SNX30: variants seen among roughly 807,000 people sequenced by gnomAD.
The protein encoded by SNX30 is sorting nexin-30.
Under a neutral mutation model 46.4 loss-of-function variants are expected in SNX30, and 24 were observed. The ratio of observed to expected loss-of-function variants is 0.52; its 90% CI spans 0.37 to 0.73. The LOEUF is 0.73. Ranked by LOEUF, SNX30 falls within the 30% of genes least tolerant of loss-of-function variation. The pLI, the probability that SNX30 is intolerant of heterozygous loss-of-function variation, is 0.00. For missense variants in SNX30, 533 were observed against 555.7 expected (o/e 0.96, Z 0.41); for synonymous variants, 189 against 211.5 (o/e 0.89, Z 0.92).
chr9:112,789,850 A>G (rs1387471197), intron 1 of SNX30, among the ~76,000 whole-genome samples: 1 of 152,260 alleles, frequency 6.6e-6, no homozygotes, highest in African/African-American at 2.4e-5. Flanking sequence ...ATTTTCTAAT[A>G]GAAAACCTAT....
chr9:112,860,193 G>A (rs1017441101), intron 7 of SNX30, among the ~76,000 whole-genome samples: 5 of 152,078 alleles, frequency 3.3e-5, no homozygotes, highest in African/African-American at 7.2e-5. Context: ...TGATCTGCCC[G>A]CCTCAGGCTC....
At chr9:112,827,080 T>TCTGTCATAA (rs1366096010) in intron 3 of SNX30, among the ~76,000 whole-genome samples, 6 of 152,226 alleles carry the variant, frequency 3.9e-5, no homozygotes, top group African/African-American at 1.4e-4. Flanking sequence ...GAACTCCTGC[T>TCTGTCATAA]CTGTCATAAA....
intron 1 of SNX30, among the ~76,000 whole-genome samples, chr9:112,777,283 A>G (rs1839761457): frequency 6.6e-6 from 1 of 152,126 alleles, no homozygotes; most frequent in African/African-American, 2.4e-5. Context: ...GAGTGACACA[A>G]GAATCAAACA....
rs117579156 is a variant in SNX30, at chr9:112,849,941, C to G, written c.1015-918C>G. Among the ~76,000 whole-genome samples, 161 of 152,354 alleles carry G rather than the reference C, an allele frequency of 1.1e-3. 2 individuals carry two copies. The East Asian group carries it at 0.025, about 24-fold the overall frequency. ...TTCTATTAAAGGAAGAAGAAAGAAA[C>G]TCGTTGATGAAACAGACACCTTTCT... On this transcript the variant is annotated intron_variant, in intron 6 of 8. Coordinates refer to ENST00000374232, the MANE Select transcript of SNX30 (RefSeq NM_001012994.2).
rs1486831051 is a variant in SNX30 at position 112,874,750 on chromosome 9, T to C, written c.*5907T>C. The C allele has an allele frequency of 2.4e-5, 3 of 123,518 alleles. No homozygotes were observed. The highest frequency in any genetic ancestry group is 8.6e-5 in the African/African-American group (3 of 34,728). The allele number at this position is 123,518 out of a possible 1,614,324, so 7.7% of individuals were successfully genotyped here. Reference sequence around the variant, plus strand: ...TTTGTTTGTTATGGAAACCAGAGATTGTAAAATGGAAAAAGAATCGTTTTT... The same window carrying C: ...TTTGTTTGTTATGGAAACCAGAGATCGTAAAATGGAAAAAGAATCGTTTTT... On this transcript the variant is annotated 3_prime_UTR_variant, in exon 9 of 9. Transcript: ENST00000374232.
At chr9:112,881,592 CTT>C (rs1841577707) in exon 6 of SNX30, 1 of 152,284 alleles carries the variant, frequency 6.6e-6, no homozygotes, top group African/African-American at 2.4e-5. Context: ...GCAGTGCTGA[CTT>C]ATTAGTCAGC....
At chr9:112,866,544 C>A in intron 8 of SNX30, 1 of 470,508 alleles carries the variant, frequency 2.1e-6, no homozygotes, top group Non-Finnish European at 4.4e-6. Flanking sequence ...TGCCACAGAC[C>A]CCAGATCATC....
downstream of SNX30, among the ~76,000 whole-genome samples, chr9:112,882,020 G>T (rs761522238): frequency 3.3e-5 from 5 of 152,178 alleles, no homozygotes; most frequent in Non-Finnish European, 7.4e-5. Context: ...GTGGTCAATG[G>T]CAGGAATAGG....
intron 3 of SNX30, 61 bp downstream of exon 3, chr9:112,817,876 G>T (rs1370141330): frequency 2.7e-6 from 3 of 1,111,554 alleles, no homozygotes; most frequent in Non-Finnish European, 4.2e-6. Context: ...TCCTGAAGGG[G>T]TTCACTCAAC....
At chr9:112,817,897 T>A in intron 3 of SNX30, 82 bp downstream of exon 3, 1 of 874,110 alleles carries the variant, frequency 1.1e-6, no homozygotes, top group Non-Finnish European at 2.0e-6. Context: ...TCTCATCCCT[T>A]AAGTTATACA....
chr9:112,771,202 C>A (rs1429747180), intron 1 of SNX30, among the ~76,000 whole-genome samples: 4 of 152,214 alleles, frequency 2.6e-5, no homozygotes, highest in African/African-American at 9.6e-5. Flanking sequence ...AATTTCCATG[C>A]ATGAACCAAA....
downstream of SNX30, chr9:112,879,806 T>C: frequency 6.2e-7 from 1 of 1,613,174 alleles, no homozygotes; most frequent in South Asian, 1.1e-5. Context: ...GGGACTTGTT[T>C]ATAGGCCACG....
At chr9:112,831,767 T>A (rs932654495) in intron 4 of SNX30, among the ~76,000 whole-genome samples, 74 of 152,342 alleles carry the variant, frequency 4.9e-4, no homozygotes, top group African/African-American at 1.7e-3. Flanking sequence ...AAGTTGGTTG[T>A]CCACTGGCCT....
At chr9:112,753,130 G>T (rs909361918) in intron 1 of SNX30, among the ~76,000 whole-genome samples, 1 of 152,170 alleles carries the variant, frequency 6.6e-6, no homozygotes, top group Non-Finnish European at 1.5e-5. Flanking sequence ...AAGAGGTGGG[G>T]ATCATTGGGC....
chr9:112,785,223 T>A (rs1053931828), intron 1 of SNX30, among the ~76,000 whole-genome samples: 3 of 148,064 alleles, frequency 2.0e-5, no homozygotes, highest in Non-Finnish European at 3.0e-5. Context: ...GGGAATGTAA[T>A]TTTTTTTTTT....
At chr9:112,759,496 G>A (rs567104017) in intron 1 of SNX30, among the ~76,000 whole-genome samples, 4 of 152,200 alleles carry the variant, frequency 2.6e-5, no homozygotes, top group East Asian at 1.9e-4. Context: ...TTGGGAGGCC[G>A]AGGCAGGCAG....
At chr9:112,818,123 C>T (rs982574091) in intron 3 of SNX30, among the ~76,000 whole-genome samples, 1 of 151,728 alleles carries the variant, frequency 6.6e-6, no homozygotes, top group South Asian at 2.1e-4. Context: ...ATTGAAGCAA[C>T]GTGACATTTA....
rs1480279401 is a variant in SNX30, at chr9:112,870,548, A to G, written c.*1705A>G. On this transcript the variant is annotated 3_prime_UTR_variant, in exon 9 of 9. Transcript: ENST00000374232. Reference sequence around the variant, plus strand: ...GTACTTGCCTGTAGTGTTAAACCCTATTTGTGCCATTCTCAAGTCCTTTGA... The same window carrying G: ...GTACTTGCCTGTAGTGTTAAACCCTGTTTGTGCCATTCTCAAGTCCTTTGA... 2 of 152,230 alleles carry G rather than the reference A, an allele frequency of 1.3e-5. No homozygotes were observed. The highest frequency in any genetic ancestry group is 2.4e-5 in the African/African-American group (1 of 41,452). The allele number at this position is 152,230 out of a possible 1,614,324, so 9.4% of individuals were successfully genotyped here.
intron 1 of SNX30, among the ~76,000 whole-genome samples, chr9:112,789,116 C>T (rs975496508): frequency 5.9e-5 from 9 of 152,060 alleles, no homozygotes; most frequent in Non-Finnish European, 1.2e-4. Flanking sequence ...GATTTTAGGT[C>T]GAGTTGTGTT....
Sources: allele counts gnomAD v4.1 joint callset (sites outside exome capture counted in the v4.1 genomes callset), GRCh38; gene constraint gnomAD v4.1.1; transcripts MANE v1.5; gene names NCBI Gene and HGNC (gene_info 2026-07-23, HGNC 2026-07-21).